Variants in GARRE1 observed in about 807,000 individuals in gnomAD.
GARRE1 encodes granule associated Rac and RHOG effector 1.
Under a neutral mutation model 103.2 loss-of-function variants are expected in GARRE1, and 49 were observed. The ratio of observed to expected loss-of-function variants is 0.47; its 90% CI spans 0.38 to 0.60. The LOEUF is 0.60. GARRE1 is among the 20% of genes least tolerant of loss of function. GARRE1 has a pLI of 0.00. For missense variants in GARRE1, 1,199 were observed against 1,370.5 expected (o/e 0.87, Z 1.98); for synonymous variants, 505 against 532.8 (o/e 0.95, Z 0.72).
At chr19:34,294,891 G>A (rs2145235320) in intron 1 of GARRE1, among the ~76,000 whole-genome samples, 1 of 152,226 alleles carries the variant, frequency 6.6e-6, no homozygotes, top group East Asian at 1.9e-4. Flanking sequence ...TGGCCAAGCT[G>A]GCCTTGAACC....
At chr19:34,264,647 C>T (rs1416942396) in intron 1 of GARRE1, among the ~76,000 whole-genome samples, 7 of 152,202 alleles carry the variant, frequency 4.6e-5, no homozygotes, top group Non-Finnish European at 7.3e-5. Context: ...ATCCGCCCAC[C>T]TCGGCCTCCC....
At chr19:34,315,740 T>G (rs937031187) in intron 2 of GARRE1, among the ~76,000 whole-genome samples, 9 of 149,114 alleles carry the variant, frequency 6.0e-5, no homozygotes, top group Non-Finnish European at 1.2e-4. Flanking sequence ...AAAGGGTAGT[T>G]TTTTGGTGCT....
chr19:34,310,730 T>G (rs1399927821), intron 2 of GARRE1, among the ~76,000 whole-genome samples: 1 of 152,170 alleles, frequency 6.6e-6, no homozygotes, highest in African/African-American at 2.4e-5. Flanking sequence ...CTAGGTGTGA[T>G]GAGTGCTGTG....
intron 1 of GARRE1, among the ~76,000 whole-genome samples, chr19:34,274,262 G>A (rs1046108729): frequency 4.3e-4 from 65 of 152,108 alleles, no homozygotes; most frequent in Admixed American, 3.8e-3. Flanking sequence ...AAAATTAGCC[G>A]GGTGTTGTGG....
intron 2 of GARRE1, among the ~76,000 whole-genome samples, chr19:34,314,198 G>GTAA (rs1191515381): frequency 6.6e-6 from 1 of 151,938 alleles, no homozygotes; most frequent in African/African-American, 2.4e-5. Flanking sequence ...ATGATATTTT[G>GTAA]TAATTATTAT....
rs896997574 is a variant in GARRE1 at position 34,353,351 on chromosome 19, T to C, written c.*396T>C. On this transcript the variant is annotated 3_prime_UTR_variant, in exon 14 of 14. Transcript: ENST00000299505. ...TGAAAGCTGAGGGCATAACTGACCA[T>C]TTTTTGGAAACCCTCTCCTCCCTCC... 4 of 220,646 alleles carry C rather than the reference T, an allele frequency of 1.8e-5. No individual in the cohort carries two copies. Among genetic ancestry groups the C allele is most frequent in the African/African-American group, 9.0e-5 (4 of 44,260 alleles). 13.7% of individuals were successfully genotyped at this position (220,646 alleles called of 1,614,324 possible).
chr19:34,277,587 A>G (rs2073824301), intron 1 of GARRE1, among the ~76,000 whole-genome samples: 1 of 152,120 alleles, frequency 6.6e-6, no homozygotes, highest in South Asian at 2.1e-4. Flanking sequence ...TGTACTTCCT[A>G]TTTTGTCACA....
rs2073976029 is a variant in GARRE1 at position 34,300,965 on chromosome 19, T to G, written c.492T>G (p.Ile164Met). The G allele has an allele frequency of 1.9e-6, 3 of 1,595,446 alleles. No homozygotes were observed. The highest frequency in any genetic ancestry group is 2.6e-6 in the Non-Finnish European group (3 of 1,175,824). Residue 164 changes from isoleucine to methionine, a missense_variant, in exon 2 of 14, where the codon ATT (isoleucine) becomes ATG (methionine). Ile to Met is a conservative substitution (Grantham distance 10). Transcript: ENST00000299505. ...AGAAGGAATTCAGTCTCCAGGACAT[T>G]GAGGTAGAGTATCTTTTGTGTCATA... The part of the protein sequence containing the change: ...TDQKEFSLQD[I>M]EVLGRCFLTV...
chr19:34,354,062 A>T lies in GARRE1; in HGVS notation c.*1107A>T, dbSNP rs1389750845. The T allele has an allele frequency of 6.6e-6, 1 of 152,628 alleles. No individual in the cohort carries two copies. Among genetic ancestry groups the T allele is most frequent in the Non-Finnish European group, 1.5e-5 (1 of 68,046 alleles). The allele number at this position is 152,628 out of a possible 1,614,324, so 9.5% of individuals were successfully genotyped here. A position where few individuals can be genotyped will look rare whatever the true frequency, so the allele number is the denominator to read the frequency against. On this transcript the variant is annotated 3_prime_UTR_variant, in exon 14 of 14. Transcript: ENST00000299505. ...TAAATTGAGAAATAATAATAAATATATCTATATAGAATAGACATATCCCAC... is the reference window on the plus strand; with the variant it reads ...TAAATTGAGAAATAATAATAAATATTTCTATATAGAATAGACATATCCCAC...
chr19:34,263,358 CAG>C (rs1461191531), intron 1 of GARRE1, among the ~76,000 whole-genome samples: 10 of 151,914 alleles, frequency 6.6e-5, no homozygotes, highest in Admixed American at 2.0e-4. Flanking sequence ...AGAAAAGAAA[CAG>C]TGGTTGTTTT....
chr19:34,319,856 A>T, intron 2 of GARRE1, 51 bp from the exon 3 acceptor site: 6 of 1,536,978 alleles, frequency 3.9e-6, no homozygotes, highest in Non-Finnish European at 5.4e-6. Context: ...TACTGCGCGA[A>T]TCCAACAGCA....
At chr19:34,335,541 T>C (rs555633067) in intron 8 of GARRE1, among the ~76,000 whole-genome samples, 7 of 152,368 alleles carry the variant, frequency 4.6e-5, no homozygotes, top group Admixed American at 1.3e-4. Flanking sequence ...GTTCTTTTTT[T>C]TCGAGACAGA....
At chr19:34,328,899 A>G (rs2074125171) in intron 6 of GARRE1, among the ~76,000 whole-genome samples, 1 of 152,132 alleles carries the variant, frequency 6.6e-6, no homozygotes, top group Non-Finnish European at 1.5e-5. Flanking sequence ...TGAGCCACCG[A>G]CCTGGGCCTA....
intron 1 of GARRE1, among the ~76,000 whole-genome samples, chr19:34,286,291 C>T (rs1042266316): frequency 1.1e-4 from 16 of 152,148 alleles, no homozygotes; most frequent in Non-Finnish European, 2.4e-4. Flanking sequence ...ATGATTTCGG[C>T]TCACTGCAAG....
Position 34,286,251 on chromosome 19 carries a change from G to A in GARRE1, c.-795-13428G>A, listed in dbSNP as rs567781797. On this transcript the variant is annotated intron_variant, in intron 1 of 13. Transcript: ENST00000299505. ...TTATTATTTTTTGAGACGGAGTCTC[G>A]CTCTGTTGCCCAGGCTGGAGTGCAG... Among the ~76,000 whole-genome samples, 12 of 152,258 alleles carry A rather than the reference G, an allele frequency of 7.9e-5. No homozygotes were observed. The South Asian group carries it at 1.0e-3, about 13-fold the overall frequency.
chr19:34,295,318 T>G (rs2073941367), intron 1 of GARRE1, among the ~76,000 whole-genome samples: 1 of 152,198 alleles, frequency 6.6e-6, no homozygotes, highest in South Asian at 2.1e-4. Flanking sequence ...GCTATTTATC[T>G]TTGATAAATT....
intron 8 of GARRE1, among the ~76,000 whole-genome samples, chr19:34,334,384 A>G (rs975440192): frequency 2.0e-5 from 3 of 152,186 alleles, no homozygotes; most frequent in Non-Finnish European, 4.4e-5. Context: ...AAAAGAAGAC[A>G]TATGATCAAC....
At chr19:34,287,965 A>G (rs1037884239) in intron 1 of GARRE1, among the ~76,000 whole-genome samples, 1 of 152,180 alleles carries the variant, frequency 6.6e-6, no homozygotes, top group Non-Finnish European at 1.5e-5. Flanking sequence ...AGTTGTGGGC[A>G]ATTCAGTTCT....
chr19:34,257,402 A>G (rs910609092), intron 1 of GARRE1, among the ~76,000 whole-genome samples: 2 of 151,616 alleles, frequency 1.3e-5, no homozygotes, highest in African/African-American at 2.4e-5. Flanking sequence ...CAGTGGCGCA[A>G]TCTTGGCTTA....
Sources: gnomAD v4.1 joint callset for allele counts (sites outside exome capture counted in the v4.1 genomes callset) on GRCh38, gnomAD v4.1.1 for gene constraint, MANE v1.5 for transcripts, NCBI Gene and HGNC (gene_info 2026-07-23, HGNC 2026-07-21) for gene names.